The following LMBR1 variants were observed in gnomAD, a reference collection of about 807,000 sequenced individuals.
LMBR1 encodes limb region 1 protein homolog.
In LMBR1, 52 loss-of-function variants were observed where a neutral mutation model predicts 73.9. The observed-to-expected ratio is 0.70, with a 90% CI of 0.56 to 0.89. LMBR1 has a LOEUF of 0.89. Among genes scored for constraint, LMBR1 ranks in the 40% least tolerant of loss-of-function variants. The pLI, the probability that LMBR1 is intolerant of heterozygous loss-of-function variation, is 0.00. For missense variants in LMBR1, 539 were observed against 579.8 expected (o/e 0.93, Z 0.72); for synonymous variants, 215 against 209.4 (o/e 1.03, Z -0.23).
chr7:156,892,493 GGC>G (rs1803227299), intron 1 of LMBR1: 1 of 154,234 alleles, frequency 6.5e-6, no homozygotes, highest in African/African-American at 2.4e-5. Context: ...GGAGCGCGGG[GGC>G]GCGCACTGGC....
intron 1 of LMBR1, among the ~76,000 whole-genome samples, chr7:156,853,160 G>C (rs1017738479): frequency 2.6e-5 from 4 of 151,530 alleles, no homozygotes; most frequent in African/African-American, 4.9e-5. Flanking sequence ...GGATGGTCTC[G>C]ATCTCCTGAC....
chr7:156,740,414 A>G (rs1818679495), intron 9 of LMBR1, among the ~76,000 whole-genome samples: 1 of 152,202 alleles, frequency 6.6e-6, no homozygotes, highest in Non-Finnish European at 1.5e-5. Context: ...ATAGAACACC[A>G]AGTAGATTTA....
intron 14 of LMBR1, 69 bp from the exon 15 acceptor site, chr7:156,724,247 T>A: frequency 8.3e-7 from 1 of 1,200,864 alleles, no homozygotes; most frequent in Non-Finnish European, 1.2e-6. Context: ...CCAGTAACAT[T>A]CTGAGAAATG....
chr7:156,712,772 G>A (rs1196763330), intron 15 of LMBR1, among the ~76,000 whole-genome samples: 1 of 152,186 alleles, frequency 6.6e-6, no homozygotes, highest in Non-Finnish European at 1.5e-5. Flanking sequence ...GACAAATGCT[G>A]TATGTTCTCA....
chr7:156,887,268 T>C (rs559682302), intron 1 of LMBR1, among the ~76,000 whole-genome samples: 2 of 152,126 alleles, frequency 1.3e-5, no homozygotes, highest in South Asian at 4.1e-4. Flanking sequence ...ATTGAGACCA[T>C]TCTGGCCAAC....
intron 15 of LMBR1, among the ~76,000 whole-genome samples, chr7:156,716,141 AATACAGACAGGTACGT>A (rs1228609268): frequency 2.0e-5 from 3 of 152,254 alleles, no homozygotes; most frequent in Non-Finnish European, 4.4e-5. Context: ...TGAGAAAGTC[AATACAGACAGGTACGT>A]ATAATACAAG....
At chr7:156,874,086 C>T (rs1799770923) in intron 1 of LMBR1, among the ~76,000 whole-genome samples, 1 of 152,230 alleles carries the variant, frequency 6.6e-6, no homozygotes, top group South Asian at 2.1e-4. Context: ...TCAGGCCGCA[C>T]AGGAGCCCAT....
At chr7:156,715,828 G>A (rs549466337) in intron 15 of LMBR1, among the ~76,000 whole-genome samples, 21 of 152,172 alleles carry the variant, frequency 1.4e-4, no homozygotes, top group African/African-American at 4.8e-4. Context: ...TTCATCCAAC[G>A]ATGGACACTT....
At chr7:156,762,840 A>AGTGTGTGTGT (rs772516533) in intron 7 of LMBR1, among the ~76,000 whole-genome samples, 2 of 115,672 alleles carry the variant, frequency 1.7e-5, no homozygotes, top group Non-Finnish European at 3.7e-5. Context: ...AAAGTGTGTG[A>AGTGTGTGTGT]GTGTGAGTGT....
chr7:156,674,620 A>G (rs1803383795), downstream of LMBR1, among the ~76,000 whole-genome samples: 2 of 152,108 alleles, frequency 1.3e-5, no homozygotes. Context: ...AGGCTGAGTG[A>G]GCATTGATGG....
At chr7:156,838,616 T>C (rs567683565) in intron 1 of LMBR1, among the ~76,000 whole-genome samples, 1 of 152,258 alleles carries the variant, frequency 6.6e-6, no homozygotes, top group Non-Finnish European at 1.5e-5. Context: ...TCCACTCATC[T>C]GCTGGCAGAC....
Position 156,800,482 on chromosome 7 carries a change from C to CAAAAAAAAAAAAAAAAA in LMBR1, c.320-4007_320-3991dup, listed in dbSNP as rs1245017996. Among the ~76,000 whole-genome samples the CAAAAAAAAAAAAAAAAA allele has an allele frequency of 2.5e-3, 204 of 80,914 alleles. 7 individuals carry two copies. Among genetic ancestry groups the CAAAAAAAAAAAAAAAAA allele is most frequent in the East Asian group, 9.0e-3 (23 of 2,564 alleles). 53.1% of individuals were successfully genotyped at this position (80,914 alleles called of 152,430 possible). ...AAGCCTACTGTTAAGACTTGCTACT[C>CAAAAAAAAAAAAAAAAA]AAAAAAAAAAAAAAAAAAGATTTTC... On this transcript the variant is annotated intron_variant, in intron 4 of 16. Coordinates refer to ENST00000353442, the MANE Select transcript of LMBR1 (RefSeq NM_022458.4).
chr7:156,681,062 C>A lies in LMBR1; in HGVS notation c.*3016G>T. On this transcript the variant is annotated 3_prime_UTR_variant, in exon 17 of 17. Transcript: ENST00000353442. ...ACCAGTTTTTTCAAGTTTAAAAAGT[C>A]GGTGCTGCATCTATGTTCACATTAA... 1 of 393,008 alleles carries A rather than the reference C, an allele frequency of 2.5e-6. No individual in the cohort carries two copies. The highest frequency in any genetic ancestry group is 8.2e-5 in the East Asian group (1 of 12,222). The allele number at this position is 393,008 out of a possible 1,614,324, so 24.3% of individuals were successfully genotyped here.
intron 3 of LMBR1, among the ~76,000 whole-genome samples, chr7:156,829,588 T>C (rs535702033): frequency 5.3e-5 from 8 of 152,292 alleles, no homozygotes; most frequent in Admixed American, 1.3e-4. Flanking sequence ...AATAAATCTT[T>C]CTTTATCAAC....
chr7:156,891,190 CAAAA>C (rs58107543), intron 1 of LMBR1, among the ~76,000 whole-genome samples: 1 of 20,672 alleles, frequency 4.8e-5, no homozygotes, highest in Admixed American at 8.1e-4. Flanking sequence ...GACTCCATCA[CAAAA>C]AAAAAAAAAA....
intron 15 of LMBR1, among the ~76,000 whole-genome samples, chr7:156,719,349 T>A (rs1813990125): frequency 6.6e-6 from 1 of 152,154 alleles, no homozygotes; most frequent in African/African-American, 2.4e-5. Flanking sequence ...CCATGGTGTA[T>A]ATGTGCCACA....
chr7:156,783,004 T>C (rs931776983), intron 5 of LMBR1, among the ~76,000 whole-genome samples: 7 of 152,248 alleles, frequency 4.6e-5, no homozygotes, highest in Non-Finnish European at 7.3e-5. Context: ...TTCCATCACC[T>C]AGTTCTTCAA....
At chr7:156,777,439 C>A (rs1274262811) in intron 5 of LMBR1, among the ~76,000 whole-genome samples, 1 of 152,116 alleles carries the variant, frequency 6.6e-6, no homozygotes, top group Non-Finnish European at 1.5e-5. Flanking sequence ...TACCTTGAAT[C>A]CCTTTTCTCC....
At chr7:156,703,826 A>G (rs555138297) in intron 15 of LMBR1, among the ~76,000 whole-genome samples, 28 of 152,012 alleles carry the variant, frequency 1.8e-4, no homozygotes, top group Non-Finnish European at 2.6e-4. Context: ...TGAGTTTTCC[A>G]TTACCCAATC....
Sources: allele counts gnomAD v4.1 joint callset (sites outside exome capture counted in the v4.1 genomes callset), GRCh38; gene constraint gnomAD v4.1.1; transcripts MANE v1.5; gene names NCBI Gene and HGNC (gene_info 2026-07-23, HGNC 2026-07-21).